Variants in PATJ observed in about 807,000 individuals in gnomAD.
PATJ encodes PATJ crumbs cell polarity complex component.
Under a neutral mutation model 224.9 loss-of-function variants are expected in PATJ, and 190 were observed. The ratio of observed to expected loss-of-function variants is 0.84; its 90% CI spans 0.75 to 0.95. The LOEUF (loss-of-function observed/expected upper bound fraction) is 0.95. PATJ is among the 40% of genes least tolerant of loss of function. The probability of loss-of-function intolerance (pLI) is 0.00; values close to 1 mark genes in which losing one functional copy is unlikely to be tolerated. For missense variants in PATJ, 2,121 were observed against 2,270.3 expected (o/e 0.93, Z 1.34); for synonymous variants, 769 against 820.3 (o/e 0.94, Z 1.07).
intron 9 of PATJ, among the ~76,000 whole-genome samples, chr1:61,793,967 G>A (rs12138868): frequency 1 from 147,827 of 147,828 alleles, 73,913 homozygotes; most frequent in Non-Finnish European, 1. Flanking sequence ...CAATGGCACA[G>A]TCTCGGCTCA....
At chr1:61,888,768 A>G (rs1051930875) in intron 22 of PATJ, among the ~76,000 whole-genome samples, 1 of 152,150 alleles carries the variant, frequency 6.6e-6, no homozygotes, top group East Asian at 1.9e-4. Flanking sequence ...TTCTTACTCA[A>G]TTTGACCCCA....
intron 28 of PATJ, 132 bp from the exon 29 acceptor site, chr1:62,017,724 T>TCC (rs1491341559): frequency 2.0e-6 from 1 of 491,686 alleles, no homozygotes; most frequent in African/African-American, 2.3e-5. Context: ...AGAGTGAGAC[T>TCC]GTCTCAAAAA....
At chr1:61,782,949 T>A (rs1647651729) in intron 7 of PATJ, among the ~76,000 whole-genome samples, 1 of 152,186 alleles carries the variant, frequency 6.6e-6, no homozygotes, top group African/African-American at 2.4e-5. Flanking sequence ...CACAGCCTAT[T>A]TAAAGGTTGT....
chr1:61,956,893 A>G (rs552419078), intron 27 of PATJ, among the ~76,000 whole-genome samples: 18 of 152,346 alleles, frequency 1.2e-4, no homozygotes, highest in African/African-American at 4.3e-4. Context: ...GCAGGCAGAT[A>G]ATCTGTGTTT....
chr1:62,151,957 G>A (rs572157620), intron 42 of PATJ, among the ~76,000 whole-genome samples: 8 of 152,290 alleles, frequency 5.3e-5, no homozygotes, highest in African/African-American at 1.9e-4. Flanking sequence ...TTCTAAGAGA[G>A]AAGACTTCCA....
intron 27 of PATJ, among the ~76,000 whole-genome samples, chr1:61,966,561 C>T (rs982997276): frequency 2.6e-5 from 4 of 151,926 alleles, no homozygotes; most frequent in Non-Finnish European, 5.9e-5. Context: ...TGGTGGGCCC[C>T]TGTAACCCCA....
At chr1:61,959,440 T>TATATAATATATATATATATATA (rs1680943874) in intron 27 of PATJ, among the ~76,000 whole-genome samples, 1 of 72,486 alleles carries the variant, frequency 1.4e-5, no homozygotes, top group Non-Finnish European at 2.7e-5. Flanking sequence ...TTTTCTTTTC[T>TATATAATATATATATATATATA]TTTTTTTTTT....
intron 27 of PATJ, among the ~76,000 whole-genome samples, chr1:61,954,282 T>C (rs1287684192): frequency 6.6e-6 from 1 of 152,246 alleles, no homozygotes; most frequent in African/African-American, 2.4e-5. Flanking sequence ...TTTAAAAGCA[T>C]GTTTCTATTT....
chr1:61,916,553 G>C (rs541276383), intron 26 of PATJ, among the ~76,000 whole-genome samples: 7 of 152,116 alleles, frequency 4.6e-5, no homozygotes, highest in Non-Finnish European at 1.0e-4. Flanking sequence ...GATATTTAAG[G>C]AAAAGCTTTT....
chr1:61,964,359 G>T (rs998422500), intron 27 of PATJ, among the ~76,000 whole-genome samples: 2 of 152,036 alleles, frequency 1.3e-5, no homozygotes, highest in Non-Finnish European at 1.5e-5. Context: ...TGGGATTAGA[G>T]GCGTGAACCA....
intron 17 of PATJ, 111 bp from the exon 18 acceptor site, chr1:61,855,919 A>G: frequency 1.4e-6 from 1 of 735,282 alleles, no homozygotes; most frequent in South Asian, 1.7e-5. Flanking sequence ...AGAGTGCCAG[A>G]CACATGAAGT....
chr1:61,751,063 G>A (rs892443250), intron 1 of PATJ, among the ~76,000 whole-genome samples: 1 of 148,332 alleles, frequency 6.7e-6, no homozygotes, highest in African/African-American at 2.5e-5. Flanking sequence ...GTGCAGTGGT[G>A]CGATCTCCAC....
chr1:61,975,800 G>T (rs1644098086), intron 27 of PATJ, among the ~76,000 whole-genome samples: 1 of 152,026 alleles, frequency 6.6e-6, no homozygotes, highest in African/African-American at 2.4e-5. Context: ...TTCGGCTGCA[G>T]CTGTCTGTGG....
At chr1:62,124,438 T>C (rs1374488457) in intron 39 of PATJ, among the ~76,000 whole-genome samples, 2 of 152,166 alleles carry the variant, frequency 1.3e-5, no homozygotes, top group African/African-American at 4.8e-5. Flanking sequence ...CAAGAAGAAA[T>C]AATGACCCTG....
chr1:61,756,503 A>G (rs1245346764), intron 1 of PATJ, among the ~76,000 whole-genome samples: 1 of 150,666 alleles, frequency 6.6e-6, no homozygotes, highest in African/African-American at 2.4e-5. Flanking sequence ...ATTCTGATGC[A>G]TGCTAAAGTT....
rs1158359908 is a variant in PATJ at position 62,162,736 on chromosome 1, C to T, written c.*1682C>T. 1.1e-5 allele frequency: 2 copies of T among 176,292 alleles called. No homozygotes were observed. Among genetic ancestry groups the T allele is most frequent in the South Asian group, 9.4e-5 (1 of 10,590 alleles). The allele number at this position is 176,292 out of a possible 1,614,324, so 10.9% of individuals were successfully genotyped here. On this transcript the variant is annotated 3_prime_UTR_variant, in exon 44 of 44. Transcript: ENST00000642238. The stretch of plus-strand genomic sequence containing the variant: ...GGCCAGGGCAGGCGAATCATGAGGT[C>T]AGGAGTTCGAGACCAGCCTGGCCAA...
intron 28 of PATJ, among the ~76,000 whole-genome samples, chr1:61,996,983 C>G (rs181776857): frequency 1.3e-5 from 2 of 152,182 alleles, no homozygotes; most frequent in East Asian, 3.9e-4. Context: ...CTCAAGTGAT[C>G]TGCCCGCCTT....
chr1:61,824,421 C>CT (rs1570726220), intron 15 of PATJ, among the ~76,000 whole-genome samples: 1 of 52,610 alleles, frequency 1.9e-5, no homozygotes, highest in Non-Finnish European at 4.0e-5. Flanking sequence ...CCGTTTTAAC[C>CT]TTTTTTCCTT....
In PATJ at chr1:61,787,914, C is replaced by T. The variant is rs767549123; in HGVS notation, c.1010C>T (p.Pro337Leu). The T allele has an allele frequency of 2.5e-6, 4 of 1,613,952 alleles. No individual in the cohort carries two copies. The highest frequency in any genetic ancestry group is 3.3e-5 in the Admixed American group (2 of 60,000). Residue 337 changes from proline to leucine, a missense_variant, in exon 8 of 44, where the codon CCT becomes CTT. Coordinates refer to ENST00000642238, the MANE Select transcript of PATJ (RefSeq NM_001350145.3). ...GCTGGTGACATTTCAGTCACCCCCCCTGCCCCTGCAGCCTTACCTGTTGCC... is the reference window on the plus strand; with the variant it reads ...GCTGGTGACATTTCAGTCACCCCCCTTGCCCCTGCAGCCTTACCTGTTGCC... ...DPAGDISVTP[P>L]APAALPVALP...
Sources: allele counts gnomAD v4.1 joint callset (sites outside exome capture counted in the v4.1 genomes callset), GRCh38; gene constraint gnomAD v4.1.1; transcripts MANE v1.5; gene names NCBI Gene and HGNC (gene_info 2026-07-23, HGNC 2026-07-21).